The following TSC2 variants were observed in gnomAD, a reference collection of about 807,000 sequenced individuals.
The protein encoded by TSC2 is TSC complex subunit 2, also known as tuberin.
Under a neutral mutation model 202.2 loss-of-function variants are expected in TSC2, and 29 were observed. That is an observed-to-expected ratio of 0.14 (90% CI 0.11 to 0.20). TSC2 has a LOEUF of 0.20. Ranked by LOEUF, TSC2 falls within the 10% of genes least tolerant of loss-of-function variation. TSC2 has a pLI of 1.00. For synonymous variants in TSC2, 1,349 were observed against 1,044.0 expected (o/e 1.29, Z -5.63); for missense variants, 2,429 against 2,420.0 (o/e 1.00, Z -0.08).
chr16:2,053,636 G>C, intron 4 of TSC2, 184 bp downstream of exon 4: 1 of 700,798 alleles, frequency 1.4e-6, no homozygotes, highest in East Asian at 2.7e-5. Flanking sequence ...TGTGACCGTA[G>C]GCACTGCCTC....
At position 2,048,653 on chromosome 16, in the gene TSC2, A is replaced by G. The variant is rs1290177807; in HGVS notation, c.38A>G (p.Glu13Gly). ...ACAAGCAAAGATTCAGGCTTGAAGG[A>G]GAAGTTTAAGATTCTGTTGGGACTG... ...KPTSKDSGLKEKFKILLGLGT... is the reference protein window; with the variant it reads ...KPTSKDSGLKGKFKILLGLGT... Residue 13 changes from glutamate (E) to glycine (G), a missense_variant, in exon 2 of 42, where the codon GAG becomes GGG. Physicochemically the swap from Glu to Gly is moderately conservative, Grantham distance 98. Coordinates refer to ENST00000219476, the MANE Select transcript of TSC2 (RefSeq NM_000548.5). The G allele has an allele frequency of 1.2e-6, 2 of 1,613,964 alleles. No homozygotes were observed. Among genetic ancestry groups the G allele is most frequent in the Non-Finnish European group, 1.7e-6 (2 of 1,180,022 alleles).
At chr16:2,050,633 GCT>G in intron 3 of TSC2, 147 bp downstream of exon 3, 2 of 648,238 alleles carry the variant, frequency 3.1e-6, no homozygotes, top group East Asian at 6.0e-5. Context: ...ATGGAGTCTT[GCT>G]CTGTCGCCCA....
chr16:2,056,579 G>C (rs1341750711), intron 7 of TSC2, 65 bp from the exon 8 acceptor site: 1 of 1,590,720 alleles, frequency 6.3e-7, no homozygotes, highest in Non-Finnish European at 8.5e-7. Flanking sequence ...AAGGAAGCCT[G>C]GGTGTCCTCT....
Position 2,079,601 on chromosome 16 carries a change from C to T in TSC2, c.3329C>T (p.Ala1110Val). The T allele has an allele frequency of 1.2e-6, 2 of 1,611,538 alleles. No homozygotes were observed. Among genetic ancestry groups the T allele is most frequent in the Non-Finnish European group, 8.5e-7 (1 of 1,179,522 alleles). The stretch of plus-strand genomic sequence containing the variant: ...GTGAGACAGACCAAGGAGGCGCCGG[C>T]CAAGCTGGAGTCCCAGGCTGGGCAG... ...VHVRQTKEAPAKLESQAGQQV... is the reference protein window; with the variant it reads ...VHVRQTKEAPVKLESQAGQQV... The change falls in exon 29 of 42, where the codon GCC becomes GTC. Residue 1110 changes from alanine (A) to valine (V), a missense_variant. By Grantham distance (64) the Ala-to-Val change is moderately conservative (BLOSUM62 0). Coordinates refer to ENST00000219476, the MANE Select transcript of TSC2 (RefSeq NM_000548.5). This position sits in a 1 kb window ranked among gnomAD's most constrained non-coding sequence, Gnocchi z 4.6.
chr16:2,075,146 C>T (rs1056484254), intron 22 of TSC2: 1 of 155,096 alleles, frequency 6.4e-6, no homozygotes, highest in African/African-American at 2.4e-5. Flanking sequence ...TCTCATGAAC[C>T]CAGGAGGTGG....
At position 2,088,312 on chromosome 16, in the gene TSC2, G is replaced by A. The variant is rs1555440785; in HGVS notation, c.5246G>A (p.Arg1749Gln). 6 of 1,612,720 alleles carry A rather than the reference G, an allele frequency of 3.7e-6. No homozygotes were observed. Among genetic ancestry groups the A allele is most frequent in the Non-Finnish European group, 5.1e-6 (6 of 1,180,016 alleles). ...KWIARLRHIK[R>Q]LRQRICEEAA... ...ATTGCCCGGCTCCGCCACATCAAGC[G>A]GCTCCGCCAGCGGGTAGGGAATATG... Residue 1749 changes from arginine (R) to glutamine (Q), a missense_variant, in exon 41 of 42, where the codon CGG becomes CAG. By Grantham distance (43) the Arg-to-Gln change is conservative. Coordinates refer to ENST00000219476, the MANE Select transcript of TSC2 (RefSeq NM_000548.5).
At chr16:2,060,961 A>G in intron 11 of TSC2, 148 bp downstream of exon 11, 1 of 1,028,636 alleles carries the variant, frequency 9.7e-7, no homozygotes, top group Non-Finnish European at 1.4e-6. Flanking sequence ...AGTGGCGCTC[A>G]TCCACCTTCC....
At chr16:2,082,609 A>C in intron 32 of TSC2, 105 bp downstream of exon 32, 10 of 1,326,964 alleles carry the variant, frequency 7.5e-6, no homozygotes, top group Non-Finnish European at 9.6e-6. Flanking sequence ...GTCTGCCTCC[A>C]TTGCCCTGGG....
chr16:2,087,411 G>A (rs1473272080), intron 38 of TSC2, among the ~76,000 whole-genome samples: 1 of 151,912 alleles, frequency 6.6e-6, no homozygotes, highest in Non-Finnish European at 1.5e-5. Context: ...CCAAAACCCC[G>A]GGGCTGGTAG....
rs773246388 is a variant in TSC2, at chr16:2,080,151, G to A, written c.3398-14G>A. 2.5e-6 allele frequency: 4 copies of A among 1,612,856 alleles called. No homozygotes were observed. Among genetic ancestry groups the A allele is most frequent in the Non-Finnish European group, 3.4e-6 (4 of 1,179,932 alleles). ...GGTAAGTGGTGGTCACCAGTCCTCTGCCCTCTTCTTCAGGGGGCCATGGTC... is the reference window on the plus strand; with the variant it reads ...GGTAAGTGGTGGTCACCAGTCCTCTACCCTCTTCTTCAGGGGGCCATGGTC... On this transcript the variant is annotated splice_polypyrimidine_tract_variant and intron_variant, in intron 29 of 41. Coordinates refer to ENST00000219476, the MANE Select transcript of TSC2 (RefSeq NM_000548.5).
intron 4 of TSC2, chr16:2,053,817 T>C (rs1368012285): frequency 9.8e-6 from 5 of 509,330 alleles, no homozygotes; most frequent in East Asian, 5.0e-5. Flanking sequence ...CTGCATTCCA[T>C]CTGTGCTGGT....
chr16:2,088,827 T>C lies in TSC2; in HGVS notation c.*217T>C, dbSNP rs763430709. On this transcript the variant is annotated 3_prime_UTR_variant, in exon 42 of 42. Coordinates refer to ENST00000219476, the MANE Select transcript of TSC2 (RefSeq NM_000548.5). ...GTACACAGAAGCAGGCACAGCCAGC[T>C]CCGAGGGCCTTGAGGCTGCCTGGGC... 14 of 635,846 alleles carry C rather than the reference T, an allele frequency of 2.2e-5. No homozygotes were observed. Among genetic ancestry groups the C allele is most frequent in the Non-Finnish European group, 3.5e-5 (13 of 374,592 alleles). 39.4% of individuals were successfully genotyped at this position (635,846 alleles called of 1,614,324 possible).
chr16:2,086,576 C>T (rs528287805), intron 37 of TSC2, among the ~76,000 whole-genome samples, 156 bp from the exon 38 acceptor site: 4 of 152,312 alleles, frequency 2.6e-5, no homozygotes, highest in African/African-American at 7.2e-5. Flanking sequence ...CAAAGCCCTG[C>T]CCCTGGGGAG....
At position 2,055,510 on chromosome 16, in the gene TSC2, G is replaced by A. The variant is rs754505860; in HGVS notation, c.590G>A (p.Arg197Lys). 2 of 1,613,650 alleles carry A rather than the reference G, an allele frequency of 1.2e-6. No homozygotes were observed. The highest frequency in any genetic ancestry group is 1.7e-6 in the Non-Finnish European group (2 of 1,179,522). Residue 197 changes from arginine to lysine, a missense_variant, in exon 6 of 42, where the codon AGG becomes AAG. Transcript: ENST00000219476. ...TGTTACCTCGACGAGTACATCGCAA[G>A]GATGGTTCAGTAAGAAAAGAATTGA... ...NSCYLDEYIA[R>K]MVQMICLLCV...
rs2090623795 is a variant in TSC2, at chr16:2,085,255, A to G, written c.4595A>G (p.Gln1532Arg). The change falls in exon 36 of 42, where the codon CAG (glutamine) becomes CGG (arginine). Residue 1532 changes from glutamine (Q) to arginine (R), a missense_variant. Gln to Arg is a conservative substitution (Grantham distance 43). Coordinates refer to ENST00000219476, the MANE Select transcript of TSC2 (RefSeq NM_000548.5). The part of the protein sequence containing the change: ...NESQSFERSV[Q>R]LLDQIPSYDT... ...TCACAGTCCTTTGAGCGGTCGGTGC[A>G]GCTCCTCGACCAGATCCCATCATAC... 1 of 1,612,618 alleles carries G rather than the reference A, an allele frequency of 6.2e-7. No individual in the cohort carries two copies. The highest frequency in any genetic ancestry group is 1.3e-5 in the African/African-American group (1 of 74,922).
intron 36 of TSC2, among the ~76,000 whole-genome samples, chr16:2,085,773 C>T (rs562105323): frequency 2.0e-4 from 30 of 152,324 alleles, no homozygotes; most frequent in African/African-American, 6.7e-4. Flanking sequence ...ATAGGCTGCA[C>T]CTTCATCCCA....
rs777459404 is a variant in TSC2 at position 2,053,345 on chromosome 16, G to T, written c.229G>T (p.Ala77Ser). The change falls in exon 4 of 42, where the codon GCA becomes TCA. Residue 77 changes from alanine to serine, a missense_variant. Transcript: ENST00000219476. ...CTGTCCCCTCTGCTGGTGACAGCAC[G>T]CAGTGGAAGCACTCTGGAAGGCGGT... The part of the protein sequence containing the change: ...VAKTKKFEEH[A>S]VEALWKAVAD... The T allele has an allele frequency of 6.3e-7, 1 of 1,581,342 alleles. No homozygotes were observed. The highest frequency in any genetic ancestry group is 8.6e-7 in the Non-Finnish European group (1 of 1,164,774).
Position 2,079,474 on chromosome 16 carries a change from G to T in TSC2, c.3284+46G>T. ...TCCGCGCCTGCCAGCCTCGACACCG[G>T]CTGTCCCGAGCCCAGGCCCACGTGG... On this transcript the variant is annotated intron_variant, in intron 28 of 41. Coordinates refer to ENST00000219476, the MANE Select transcript of TSC2 (RefSeq NM_000548.5). This position sits in a 1 kb window ranked among gnomAD's most constrained non-coding sequence, Gnocchi z 4.6. 6.2e-7 allele frequency: 1 copy of T among 1,611,184 alleles called. No individual in the cohort carries two copies. Among genetic ancestry groups the T allele is most frequent in the Admixed American group, 1.7e-5 (1 of 59,804 alleles).
rs1476429068 is a variant in TSC2 at position 2,060,729 on chromosome 16, C to T, written c.1035C>T (p.Leu345=). ...AGATCGTCCTGTCCATCACCAGGCT[C>T]ATCAAGAAGTATAGGAAGGAGCTCC... ...SYEIVLSITR[L]IKKYRKELQV... is the part of the protein sequence containing the mutation. The change falls in exon 11 of 42, where the codon CTC becomes CTT. Residue 345 remains leucine, a synonymous_variant. Transcript: ENST00000219476. The T allele has an allele frequency of 1.9e-6, 3 of 1,614,132 alleles. No homozygotes were observed. The highest frequency in any genetic ancestry group is 2.5e-6 in the Non-Finnish European group (3 of 1,180,018).
Sources: allele counts gnomAD v4.1 joint callset (sites outside exome capture counted in the v4.1 genomes callset), GRCh38; gene constraint gnomAD v4.1.1; non-coding constraint Gnocchi (gnomAD v3.1); transcripts MANE v1.5; gene names NCBI Gene and HGNC (gene_info 2026-07-23, HGNC 2026-07-21).